EML2: variants seen among roughly 807,000 people sequenced by gnomAD.
The protein encoded by EML2 is echinoderm microtubule-associated protein-like 2.
Under a neutral mutation model 84.7 loss-of-function variants are expected in EML2, and 59 were observed. The ratio of observed to expected loss-of-function variants is 0.70; its 90% CI spans 0.56 to 0.86. EML2 has a LOEUF of 0.86. Among genes scored for constraint, EML2 ranks in the 40% least tolerant of loss-of-function variants. EML2 has a pLI of 0.00. For synonymous variants in EML2, 352 were observed against 348.9 expected (o/e 1.01, Z -0.10); for missense variants, 818 against 855.6 (o/e 0.96, Z 0.55).
At position 45,613,644 on chromosome 19, in the gene EML2, G is replaced by T; in HGVS notation, c.1721C>A (p.Thr574Asn). The change falls in exon 18 of 19, where the codon ACT (threonine) becomes AAT (asparagine). Residue 574 changes from threonine (T) to asparagine (N), a missense_variant. By Grantham distance (65) the Thr-to-Asn change is moderately conservative. Transcript: ENST00000245925. The stretch of plus-strand genomic sequence containing the variant: ...AGAGCGGGCCACAGCGTTGATATCA[G>T]TGCCGTCCGCCCCCTCAGACCAGAT... ...FGIWSEGADG[T>N]DINAVARSHD... The T allele has an allele frequency of 6.2e-7, 1 of 1,614,084 alleles. No homozygotes were observed. Among genetic ancestry groups the T allele is most frequent in the Non-Finnish European group, 8.5e-7 (1 of 1,179,988 alleles).
chr19:45,631,944 T>C (rs1309893729), intron 6 of EML2, among the ~76,000 whole-genome samples: 1 of 141,248 alleles, frequency 7.1e-6, no homozygotes, highest in Admixed American at 7.6e-5. Flanking sequence ...CAGGCTGCAG[T>C]GCAATGGCGC....
At chr19:45,615,729 T>A in intron 16 of EML2, 73 bp downstream of exon 16, 387 of 1,139,666 alleles carry the variant, frequency 3.4e-4, no homozygotes, top group Non-Finnish European at 4.6e-4. Flanking sequence ...AGCCCCTCCC[T>A]CCCCTCCCAG....
intron 11 of EML2, among the ~76,000 whole-genome samples, chr19:45,620,230 C>T (rs938036288): frequency 1.9e-4 from 29 of 151,930 alleles, no homozygotes; most frequent in African/African-American, 6.8e-4. Flanking sequence ...TCTCCTGCCT[C>T]AGCCTTTTGA....
intron 3 of EML2, 33 bp downstream of exon 3, chr19:45,638,472 G>A (rs1296559077): frequency 4.3e-6 from 7 of 1,613,364 alleles, no homozygotes; most frequent in Non-Finnish European, 5.1e-6. Flanking sequence ...CTGGGGGGAT[G>A]GGAGCACCAA....
At chr19:45,625,354 C>A (rs904486942) in intron 8 of EML2, among the ~76,000 whole-genome samples, 1 of 152,242 alleles carries the variant, frequency 6.6e-6, no homozygotes, top group African/African-American at 2.4e-5. Context: ...GATTCTCCCG[C>A]TGCAGCCTCC....
intron 3 of EML2, 74 bp from the exon 4 acceptor site, chr19:45,634,545 ATTT>A: frequency 8.7e-7 from 1 of 1,145,624 alleles, no homozygotes; most frequent in Non-Finnish European, 1.1e-6. Flanking sequence ...TTATTTATTT[ATTT>A]ATTTTTAATT....
upstream of EML2, chr19:45,642,584 C>A (rs1301943059): frequency 3.9e-6 from 5 of 1,292,816 alleles, no homozygotes; most frequent in Admixed American, 3.6e-5. Flanking sequence ...GCGCGCTGGC[C>A]GTGTGACCTT....
Position 45,621,563 on chromosome 19 carries a change from C to A in EML2, c.916G>T (p.Gly306Trp), listed in dbSNP as rs76329857. The A allele has an allele frequency of 1.9e-6, 3 of 1,612,774 alleles. No homozygotes were observed. The South Asian group carries it at 3.3e-5, about 18-fold the overall frequency. The change falls in exon 10 of 19, where the codon GGG becomes TGG. Residue 306 changes from glycine (G) to tryptophan (W), a missense_variant. Physicochemically the swap from Gly to Trp is radical, Grantham distance 184. Coordinates refer to ENST00000245925, the MANE Select transcript of EML2 (RefSeq NM_012155.4). The stretch of plus-strand genomic sequence containing the variant: ...CGGCCCCCTCCAGACACCAGCGTCC[C>A]GTCCCGCAGGGCGCAGAGCCCAAAC... ...GVFGLCALRD[G>W]TLVSGGGRDR...
chr19:45,619,179 C>T lies in EML2; in HGVS notation c.1135G>A (p.Glu379Lys), dbSNP rs770841041. 6.2e-7 allele frequency: 1 copy of T among 1,610,970 alleles called. No homozygotes were observed. Among genetic ancestry groups the T allele is most frequent in the Non-Finnish European group, 8.5e-7 (1 of 1,179,210 alleles). ...FSLLVQGHVEELWGLATHPSR... is the reference protein window; with the variant it reads ...FSLLVQGHVEKLWGLATHPSR... ...GGGTGTGTGGCCAGGCCCCACAGCT[C>T]TTCCACATGGCCCTGGTGGAAAGGG... The change falls in exon 12 of 19, where the codon GAG becomes AAG. Residue 379 changes from glutamate to lysine, a missense_variant. Transcript: ENST00000245925.
upstream of EML2, chr19:45,642,748 G>T (rs971322163): frequency 1.9e-5 from 3 of 158,980 alleles, no homozygotes; most frequent in African/African-American, 7.2e-5. Flanking sequence ...GTATCACGAG[G>T]TCAGGAGATC....
intron 14 of EML2, 84 bp downstream of exon 14, chr19:45,616,681 C>A: frequency 2.1e-6 from 3 of 1,441,200 alleles, no homozygotes; most frequent in African/African-American, 1.4e-5. Flanking sequence ...CCTCGCTTCG[C>A]AGGCTCCACC....
chr19:45,621,699 G>C, intron 9 of EML2, 62 bp from the exon 10 acceptor site: 1 of 1,529,310 alleles, frequency 6.5e-7, no homozygotes, highest in Non-Finnish European at 8.8e-7. Flanking sequence ...ACCCCTGAAA[G>C]CATCTTGAAC....
At chr19:45,639,021 G>T in intron 1 of EML2, 148 bp from the exon 2 acceptor site, 1 of 958,432 alleles carries the variant, frequency 1.0e-6, no homozygotes, top group Non-Finnish European at 1.7e-6. Flanking sequence ...TCTGCAGGCC[G>T]TGTGCTTTGC....
At chr19:45,638,454 A>G in intron 3 of EML2, 51 bp downstream of exon 3, 1 of 1,612,086 alleles carries the variant, frequency 6.2e-7, no homozygotes, top group Non-Finnish European at 8.5e-7. Context: ...CCGCCTTTCT[A>G]TTTCCTCCTG....
At chr19:45,642,992 A>AG (rs1156435097), upstream of EML2, among the ~76,000 whole-genome samples, 1 of 151,280 alleles carries the variant, frequency 6.6e-6, no homozygotes, top group Non-Finnish European at 1.5e-5. Flanking sequence ...CTCAAAAAAA[A>AG]AAAAAAGAAA....
upstream of EML2, chr19:45,641,966 T>C (rs2122842850): frequency 3.5e-6 from 5 of 1,443,790 alleles, no homozygotes; most frequent in East Asian, 2.5e-5. Context: ...GGACGTGGCA[T>C]AGCCACCCAC....
At chr19:45,612,016 C>G (rs911266880) in intron 18 of EML2, among the ~76,000 whole-genome samples, 1 of 152,060 alleles carries the variant, frequency 6.6e-6, no homozygotes, top group African/African-American at 2.4e-5. Context: ...GGATTACAGG[C>G]GTGCACCACC....
At chr19:45,638,898 A>C (rs1188725552) in intron 1 of EML2, 25 bp from the exon 2 acceptor site, 5 of 1,613,802 alleles carry the variant, frequency 3.1e-6, no homozygotes, top group Non-Finnish European at 4.2e-6. Flanking sequence ...CAAAGAAAAA[A>C]AAAGGGTCTT....
In EML2 at chr19:45,613,557, G is replaced by A. The variant is rs760192491; in HGVS notation, c.1808C>T (p.Pro603Leu). The change falls in exon 18 of 19, where the codon CCC becomes CTC. Residue 603 changes from proline to leucine, a missense_variant. Pro to Leu is a moderately conservative substitution (Grantham distance 98). Coordinates refer to ENST00000245925, the MANE Select transcript of EML2 (RefSeq NM_012155.4). ...GGGACTCACTCGAGGCTGACAGCAG[G>A]GGTAGCTAAACAGGTGAACTTTGCC... ...DFGKVHLFSY[P>L]CCQPRALSHK... is the part of the protein sequence containing the mutation. 6.2e-7 allele frequency: 1 copy of A among 1,613,884 alleles called. No individual in the cohort carries two copies. The highest frequency in any genetic ancestry group is 2.2e-5 in the East Asian group (1 of 44,886).
Sources: gnomAD v4.1 joint callset for allele counts (sites outside exome capture counted in the v4.1 genomes callset) on GRCh38, gnomAD v4.1.1 for gene constraint, MANE v1.5 for transcripts, NCBI Gene and HGNC (gene_info 2026-07-23, HGNC 2026-07-21) for gene names.